Variants in CNBD1 observed in about 807,000 individuals in gnomAD.
CNBD1 encodes the protein cyclic nucleotide binding domain containing 1.
Under a neutral mutation model 54.4 loss-of-function variants are expected in CNBD1, and 71 were observed. That is an observed-to-expected ratio of 1.30 (90% CI 1.08 to 1.59). The LOEUF (loss-of-function observed/expected upper bound fraction) is 1.59. Among genes scored for constraint, CNBD1 ranks in the 40% most tolerant of loss-of-function variants. The pLI is 0.00. For synonymous variants in CNBD1, 182 were observed against 170.7 expected, an observed-to-expected ratio of 1.07 and a Z score of -0.51; for missense variants, 659 against 518.0, an observed-to-expected ratio of 1.27 and a Z score of -2.64.
chr8:87,315,117 C>A (rs2130894005), intron 8 of CNBD1, among the ~76,000 whole-genome samples: 1 of 150,780 alleles, frequency 6.6e-6, no homozygotes, highest in African/African-American at 2.5e-5. Context: ...AATTGAAGAA[C>A]TAAGTCAGAA....
At chr8:87,206,271 G>C (rs1489231853) in intron 5 of CNBD1, 133 bp downstream of exon 5, 1 of 664,722 alleles carries the variant, frequency 1.5e-6, no homozygotes, top group African/African-American at 1.9e-5. Context: ...ATTTGGGTGT[G>C]TTTCATTTGT....
At chr8:87,414,197 A>T (rs1383327701) in intron 2 of CNBD1, among the ~76,000 whole-genome samples, 1 of 152,128 alleles carries the variant, frequency 6.6e-6, no homozygotes, top group Non-Finnish European at 1.5e-5. Flanking sequence ...CAGCCATAAA[A>T]AATGAAGAGT....
intron 4 of CNBD1, among the ~76,000 whole-genome samples, chr8:87,025,617 C>T (rs1809626189): frequency 6.6e-6 from 1 of 152,114 alleles, no homozygotes; most frequent in Non-Finnish European, 1.5e-5. Context: ...CTGTAACACT[C>T]ACTGTGAAGG....
At chr8:87,164,335 A>G (rs1049843600) in intron 4 of CNBD1, among the ~76,000 whole-genome samples, 1 of 151,836 alleles carries the variant, frequency 6.6e-6, no homozygotes, top group Non-Finnish European at 1.5e-5. Context: ...TGTCTCTTCA[A>G]TTGTTTGAAA....
intron 5 of CNBD1, among the ~76,000 whole-genome samples, chr8:87,221,150 G>A (rs990855945): frequency 6.6e-6 from 1 of 151,902 alleles, no homozygotes; most frequent in African/African-American, 2.4e-5. Context: ...CATTATTTTG[G>A]TTCTTATAAG....
intron 4 of CNBD1, among the ~76,000 whole-genome samples, chr8:87,104,550 C>T (rs554509515): frequency 1.2e-4 from 18 of 152,198 alleles, no homozygotes; most frequent in African/African-American, 4.1e-4. Context: ...TTGATGAGAC[C>T]AATGAGGTGG....
chr8:87,026,069 T>A (rs1484011425), intron 4 of CNBD1, among the ~76,000 whole-genome samples: 1 of 152,232 alleles, frequency 6.6e-6, no homozygotes, highest in Non-Finnish European at 1.5e-5. Flanking sequence ...CAAATCACCT[T>A]CTATTTAAGG....
chr8:86,906,595 C>T (rs1409302433), intron 3 of CNBD1, among the ~76,000 whole-genome samples: 2 of 152,152 alleles, frequency 1.3e-5, no homozygotes, highest in Non-Finnish European at 2.9e-5. Context: ...TCCAAGTATA[C>T]TCAATTTCTA....
intron 4 of CNBD1, among the ~76,000 whole-genome samples, chr8:87,092,503 ATGTG>A (rs71943371): frequency 4.2e-5 from 6 of 142,650 alleles, no homozygotes; most frequent in African/African-American, 8.0e-5. Context: ...GTGTATATAT[ATGTG>A]TGTGTGTGTA....
intron 4 of CNBD1, among the ~76,000 whole-genome samples, chr8:87,030,637 G>A (rs1809761185): frequency 6.6e-6 from 1 of 151,838 alleles, no homozygotes; most frequent in Non-Finnish European, 1.5e-5. Flanking sequence ...ATGATCTTCA[G>A]GATTTATTCA....
At chr8:87,008,196 T>C (rs900172535) in intron 4 of CNBD1, among the ~76,000 whole-genome samples, 2 of 152,206 alleles carry the variant, frequency 1.3e-5, no homozygotes, top group African/African-American at 4.8e-5. Context: ...ATATAATGGG[T>C]GGCTATTAAG....
chr8:86,983,513 G>A (rs574752930), intron 4 of CNBD1, among the ~76,000 whole-genome samples: 71 of 152,300 alleles, frequency 4.7e-4, no homozygotes, highest in African/African-American at 1.7e-3. Context: ...AGAAAAATGT[G>A]AGAAAGTTTG....
intron 6 of CNBD1, among the ~76,000 whole-genome samples, chr8:87,265,545 A>G (rs1808236207): frequency 6.6e-6 from 1 of 152,108 alleles, no homozygotes; most frequent in Non-Finnish European, 1.5e-5. Flanking sequence ...TAATAATTTT[A>G]TAGTTTTTAA....
intron 10 of CNBD1, among the ~76,000 whole-genome samples, chr8:87,366,715 G>A (rs1193256195): frequency 6.6e-6 from 1 of 152,028 alleles, no homozygotes; most frequent in East Asian, 1.9e-4. Context: ...GGTAAGGAGA[G>A]CATGACAGGT....
At chr8:86,889,531 G>A (rs879692901) in intron 2 of CNBD1, among the ~76,000 whole-genome samples, 1 of 151,924 alleles carries the variant, frequency 6.6e-6, no homozygotes, top group Non-Finnish European at 1.5e-5. Context: ...AATGATTCAA[G>A]GTTTTAAATT....
At chr8:87,339,013 A>C (rs1247262214) in intron 8 of CNBD1, among the ~76,000 whole-genome samples, 7 of 152,132 alleles carry the variant, frequency 4.6e-5, no homozygotes, top group Admixed American at 2.6e-4. Context: ...GAGGCCTAAA[A>C]TGGGCTACAG....
chr8:87,356,162 A>G (rs970918352), intron 10 of CNBD1, among the ~76,000 whole-genome samples: 8 of 152,172 alleles, frequency 5.3e-5, no homozygotes, highest in African/African-American at 1.9e-4. Context: ...ACCCAGCTTC[A>G]GATATTCATT....
intron 2 of CNBD1, among the ~76,000 whole-genome samples, chr8:87,395,106 T>A (rs1257379826): frequency 6.6e-6 from 1 of 151,942 alleles, no homozygotes; most frequent in Non-Finnish European, 1.5e-5. Context: ...TGCTTTGAAC[T>A]AGGCAAATAT....
chr8:87,423,094 G>A (rs1024316137), intron 2 of CNBD1, among the ~76,000 whole-genome samples: 1 of 152,010 alleles, frequency 6.6e-6, no homozygotes, highest in Non-Finnish European at 1.5e-5. Flanking sequence ...TTGGTGTATA[G>A]GAATGCTTGT....
Sources: allele counts gnomAD v4.1 joint callset (sites outside exome capture counted in the v4.1 genomes callset), GRCh38; gene constraint gnomAD v4.1.1; transcripts MANE v1.5; gene names NCBI Gene and HGNC (gene_info 2026-07-23, HGNC 2026-07-21).